Variants in LRRTM3 observed in about 807,000 individuals in gnomAD.
The protein encoded by LRRTM3 is leucine-rich repeat transmembrane neuronal protein 3.
A neutral mutation model predicts 44.7 loss-of-function variants in LRRTM3; 24 were observed. The observed-to-expected ratio is 0.54, with a 90% CI of 0.39 to 0.76. The LOEUF (loss-of-function observed/expected upper bound fraction) is 0.76, where lower values mean the gene tolerates loss of function less well. Ranked by LOEUF, LRRTM3 falls within the 30% of genes least tolerant of loss-of-function variation. The pLI is 0.00. For synonymous variants in LRRTM3, 277 were observed against 278.7 expected (o/e 0.99, Z 0.06); for missense variants, 587 against 702.2 (o/e 0.84, Z 1.85).
chr10:67,067,084 G>A (rs1856136446), intron 2 of LRRTM3, among the ~76,000 whole-genome samples: 1 of 152,068 alleles, frequency 6.6e-6, no homozygotes. Context: ...GTATATTTGT[G>A]TGATCTGGAT....
chr10:67,084,622 C>T (rs547941386), intron 2 of LRRTM3, among the ~76,000 whole-genome samples: 1 of 151,918 alleles, frequency 6.6e-6, no homozygotes, highest in East Asian at 1.9e-4. Flanking sequence ...ATCAGTCCTG[C>T]CTTTCCAATC....
chr10:67,023,332 C>G (rs921751816), intron 2 of LRRTM3, among the ~76,000 whole-genome samples: 4 of 152,086 alleles, frequency 2.6e-5, no homozygotes, highest in African/African-American at 9.7e-5. Flanking sequence ...AGACATTCCT[C>G]CATGAAAAGT....
At chr10:66,932,142 C>T (rs77899607) in intron 2 of LRRTM3, among the ~76,000 whole-genome samples, 12,401 of 152,058 alleles carry the variant, frequency 0.082, 764 homozygotes, top group Non-Finnish European at 0.13. Context: ...AACACTGGTT[C>T]TATTAGGCTC....
intron 2 of LRRTM3, among the ~76,000 whole-genome samples, chr10:67,003,387 C>T (rs1851790605): frequency 6.6e-6 from 1 of 152,174 alleles, no homozygotes. Flanking sequence ...TCAAGCCCTA[C>T]ACCAATATTT....
intron 2 of LRRTM3, among the ~76,000 whole-genome samples, chr10:66,928,677 T>C (rs1236229942): frequency 6.6e-6 from 1 of 152,188 alleles, no homozygotes; most frequent in Non-Finnish European, 1.5e-5. Flanking sequence ...ACAATCAATG[T>C]GAAGCTTGAA....
intron 2 of LRRTM3, among the ~76,000 whole-genome samples, chr10:67,030,379 A>C (rs116063132): frequency 0.03 from 4,569 of 152,258 alleles, 247 homozygotes; most frequent in African/African-American, 0.1. Flanking sequence ...TTATAAAATT[A>C]ATGAAATATT....
chr10:66,971,631 T>G (rs1849730212), intron 2 of LRRTM3, among the ~76,000 whole-genome samples: 1 of 152,066 alleles, frequency 6.6e-6, no homozygotes, highest in African/African-American at 2.4e-5. Flanking sequence ...CCACTTAGAG[T>G]AAACACTCAA....
At chr10:67,025,022 C>T (rs1015700448) in intron 2 of LRRTM3, among the ~76,000 whole-genome samples, 3 of 150,834 alleles carry the variant, frequency 2.0e-5, no homozygotes, top group African/African-American at 7.3e-5. Flanking sequence ...CTCAGCTACT[C>T]GGGAGGCTGA....
intron 2 of LRRTM3, among the ~76,000 whole-genome samples, chr10:67,091,562 A>G (rs910137424): frequency 5.3e-5 from 8 of 152,110 alleles, no homozygotes; most frequent in Non-Finnish European, 1.0e-4. Flanking sequence ...AATTAAAAAT[A>G]TAGCTAATTT....
intron 2 of LRRTM3, among the ~76,000 whole-genome samples, chr10:67,015,802 G>A (rs1167761232): frequency 6.6e-6 from 1 of 151,622 alleles, no homozygotes; most frequent in African/African-American, 2.4e-5. Flanking sequence ...TCTTTTCCCT[G>A]TCTTCCGTAT....
intron 2 of LRRTM3, among the ~76,000 whole-genome samples, chr10:67,084,692 T>A (rs948861783): frequency 1.3e-5 from 2 of 151,726 alleles, no homozygotes; most frequent in African/African-American, 4.8e-5. Context: ...AATAACAGAG[T>A]AAATAGAATG....
intron 2 of LRRTM3, among the ~76,000 whole-genome samples, chr10:66,980,675 C>T (rs143104474): frequency 6.6e-6 from 1 of 152,304 alleles, no homozygotes; most frequent in African/African-American, 2.4e-5. Context: ...TTTGTCACTT[C>T]AGTTTTCAGT....
At chr10:67,061,221 C>G (rs1238866622) in intron 2 of LRRTM3, among the ~76,000 whole-genome samples, 1 of 152,114 alleles carries the variant, frequency 6.6e-6, no homozygotes, top group African/African-American at 2.4e-5. Context: ...CTCAGAGAAG[C>G]TGAACTGAAT....
intron 2 of LRRTM3, among the ~76,000 whole-genome samples, chr10:67,075,685 A>C (rs1856713199): frequency 6.6e-6 from 1 of 152,232 alleles, no homozygotes; most frequent in African/African-American, 2.4e-5. Flanking sequence ...GTAAGTGCCC[A>C]CTACTATTAA....
chr10:67,064,308 G>C (rs891693285), intron 2 of LRRTM3, among the ~76,000 whole-genome samples: 19 of 151,912 alleles, frequency 1.3e-4, no homozygotes, highest in African/African-American at 4.1e-4. Flanking sequence ...ATTCTTGTTA[G>C]GTTTAATTTC....
At chr10:66,949,565 A>T (rs900743011) in intron 2 of LRRTM3, among the ~76,000 whole-genome samples, 9 of 30,604 alleles carry the variant, frequency 2.9e-4, no homozygotes, top group East Asian at 1.1e-3. Context: ...TCTCAAAATA[A>T]AAAAAAAAAA....
chr10:66,927,447 C>G lies in LRRTM3; in HGVS notation c.531C>G (p.Phe177Leu), dbSNP rs779079910. ...TGAGAACCATCCCTGTGCGAATATT[C>G]CAAGACTGCCGCAACCTGGAACTTT... ...NSLRTIPVRI[F>L]QDCRNLELLD... The change falls in exon 2 of 3, where the codon TTC (phenylalanine) becomes TTG (leucine). Residue 177 changes from phenylalanine (F) to leucine (L), a missense_variant. Physicochemically the swap from Phe to Leu is conservative, Grantham distance 22 (BLOSUM62 0). Coordinates refer to ENST00000361320, the MANE Select transcript of LRRTM3 (RefSeq NM_178011.5). This position sits in a 1 kb window ranked among gnomAD's most constrained non-coding sequence, Gnocchi z 4.7. The G allele has an allele frequency of 6.2e-7, 1 of 1,614,098 alleles. No individual in the cohort carries two copies. The highest frequency in any genetic ancestry group is 8.5e-7 in the Non-Finnish European group (1 of 1,180,030).
chr10:66,996,457 G>C (rs1851346736), intron 2 of LRRTM3, among the ~76,000 whole-genome samples: 2 of 151,854 alleles, frequency 1.3e-5, no homozygotes, highest in Non-Finnish European at 2.9e-5. Context: ...ACCAGGCTGG[G>C]CAATATGGTG....
In LRRTM3 at chr10:67,099,708, C is replaced by A. The variant is rs1384612260; in HGVS notation, c.*1912C>A. 6.6e-6 allele frequency: 1 copy of A among 152,168 alleles called. No individual in the cohort carries two copies. Among genetic ancestry groups the A allele is most frequent in the African/African-American group, 2.4e-5 (1 of 41,398 alleles). 9.4% of individuals were successfully genotyped at this position (152,168 alleles called of 1,614,324 possible). A position where few individuals can be genotyped will look rare whatever the true frequency, so the allele number is the denominator to read the frequency against. ...TTCAAATGAAACTAAATGTCAAACA[C>A]AGTACTTGTGTCAACTATTTAGCAT... On this transcript the variant is annotated 3_prime_UTR_variant, in exon 3 of 3. Coordinates refer to ENST00000361320, the MANE Select transcript of LRRTM3 (RefSeq NM_178011.5).
Sources: allele counts gnomAD v4.1 joint callset (sites outside exome capture counted in the v4.1 genomes callset), GRCh38; gene constraint gnomAD v4.1.1; non-coding constraint Gnocchi (gnomAD v3.1); transcripts MANE v1.5; gene names NCBI Gene and HGNC (gene_info 2026-07-23, HGNC 2026-07-21).